WDR26: variants seen among roughly 807,000 people sequenced by gnomAD.
WDR26 encodes the protein WD repeat domain 26.
Under a neutral mutation model 84.1 loss-of-function variants are expected in WDR26, and 5 were observed. The observed-to-expected ratio is 0.06, with a 90% CI of 0.03 to 0.13. The LOEUF is 0.13. Among genes scored for constraint, WDR26 ranks in the 10% least tolerant of loss-of-function variants. The pLI, the probability that WDR26 is intolerant of heterozygous loss-of-function variation, is 1.00. For synonymous variants in WDR26, 415 were observed against 389.6 expected (o/e 1.07, Z -0.77); for missense variants, 642 against 974.9 (o/e 0.66, Z 4.55).
chr1:224,411,391 C>G (rs1673732188), intron 7 of WDR26, 36 bp downstream of exon 7: 2 of 1,554,390 alleles, frequency 1.3e-6, no homozygotes, highest in East Asian at 4.6e-5. Context: ...AAATTATCCC[C>G]TTTTGTAATA....
intron 6 of WDR26, among the ~76,000 whole-genome samples, chr1:224,415,459 T>C (rs1196234276): frequency 0.024 from 2,002 of 82,086 alleles, 49 homozygotes; most frequent in East Asian, 0.14. Flanking sequence ...CTTTCTTTTT[T>C]TTTTTTTTTT....
In WDR26 at chr1:224,393,766, CATA is replaced by C. The variant is rs1673186659; in HGVS notation, c.2260+59_2260+61del. The C allele has an allele frequency of 2.1e-5, 29 of 1,357,992 alleles. No homozygotes were observed. In the South Asian group the frequency reaches 4.1e-4, roughly 19 times the overall value. 84.1% of individuals were successfully genotyped at this position (1,357,992 alleles called of 1,614,324 possible). On this transcript the variant is annotated intron_variant, in intron 13 of 13. Transcript: ENST00000414423. Reference sequence around the variant, plus strand: ...AACTTGCTTAAAACTGCTTTAAGTTCATAATAAGCCGAGTGATGTTTCATTTGG... The same window carrying C: ...AACTTGCTTAAAACTGCTTTAAGTTCATAAGCCGAGTGATGTTTCATTTGG...
chr1:224,433,686 G>A lies in WDR26; in HGVS notation c.720C>T (p.Leu240=), dbSNP rs1408625077. Residue 240 remains leucine, a splice_region_variant and synonymous_variant, in exon 1 of 14, where the codon CTC becomes CTT. Transcript: ENST00000414423. ...AGCTGGCGGTAAGGGATACTTACTT[G>A]AGCCCTAAGCCATTCAAGTGCTGTC... 7.5e-7 allele frequency: 1 copy of A among 1,331,584 alleles called. No homozygotes were observed. Among genetic ancestry groups the A allele is most frequent in the African/African-American group, 1.5e-5 (1 of 65,696 alleles). 82.5% of individuals were successfully genotyped at this position (1,331,584 alleles called of 1,614,324 possible). A position where few individuals can be genotyped will look rare whatever the true frequency, so the allele number is the denominator to read the frequency against.
chr1:224,398,853 G>A (rs772303792), intron 10 of WDR26, 36 bp downstream of exon 10: 23 of 1,608,778 alleles, frequency 1.4e-5, no homozygotes, highest in Non-Finnish European at 1.9e-5. Flanking sequence ...ATATAAATCA[G>A]GTAATTGTTG....
intron 7 of WDR26, among the ~76,000 whole-genome samples, chr1:224,408,277 T>C (rs967251004): frequency 1.2e-4 from 19 of 152,344 alleles, no homozygotes; most frequent in Admixed American, 1.1e-3. Flanking sequence ...TCACCTAATA[T>C]TTACTTTTCT....
intron 1 of WDR26, among the ~76,000 whole-genome samples, chr1:224,433,257 C>T (rs1269255012): frequency 1.3e-5 from 2 of 152,036 alleles, no homozygotes; most frequent in African/African-American, 4.8e-5. Flanking sequence ...AAGATGCCTC[C>T]AAGATACACT....
chr1:224,410,552 A>G lies in WDR26; in HGVS notation c.1458+875T>C, dbSNP rs543996353. ...AATAAAATACTTTTCATATATATCA[A>G]TGGGAAAACAAAGGGGGAAAGGATT... is the stretch of plus-strand genomic sequence containing the variant. On this transcript the variant is annotated intron_variant, in intron 7 of 13. Coordinates refer to ENST00000414423, the MANE Select transcript of WDR26 (RefSeq NM_001379403.1). Among the ~76,000 whole-genome samples the G allele has an allele frequency of 2.0e-3, 297 of 152,220 alleles. 2 individuals carry two copies. The highest frequency in any genetic ancestry group is 6.7e-3 in the Admixed American group (103 of 15,296).
At position 224,411,669 on chromosome 1, in the gene WDR26, A is replaced by G. The variant is rs1572186577; in HGVS notation, c.1320-104T>C. On this transcript the variant is annotated intron_variant, in intron 6 of 13. Coordinates refer to ENST00000414423, the MANE Select transcript of WDR26 (RefSeq NM_001379403.1). The stretch of plus-strand genomic sequence containing the variant: ...AAACTTCTTTGAAGATCACATCACT[A>G]ACTTTAAAAATAAGAAGTGAATGCA... 1.3e-5 allele frequency: 17 copies of G among 1,272,086 alleles called. 1 individual carries two copies. The East Asian group carries it at 2.1e-4, about 15-fold the overall frequency. The allele number at this position is 1,272,086 out of a possible 1,614,324, so 78.8% of individuals were successfully genotyped here.
rs10717023 is a variant in WDR26 at position 224,395,606 on chromosome 1, G to GA, written c.2075-1594dup. On this transcript the variant is annotated intron_variant, in intron 12 of 13. Transcript: ENST00000414423. ...TTTTTCTTACATGAAATGAAATTAG[G>GA]AAAAAAAAAAAAAAAAGTAAAGACA... Among the ~76,000 whole-genome samples the GA allele has an allele frequency of 5.4e-3, 728 of 134,846 alleles. 3 individuals are homozygous for GA. The highest frequency in any genetic ancestry group is 0.014 in the African/African-American group (521 of 38,290). 88.5% of individuals were successfully genotyped at this position (134,846 alleles called of 152,430 possible).
intron 7 of WDR26, among the ~76,000 whole-genome samples, chr1:224,407,151 A>AAAAATATATATATATATATATAT: frequency 2.5e-4 from 3 of 11,876 alleles, no homozygotes; most frequent in Non-Finnish European, 4.2e-4. Context: ...AAAAAAAAAA[A>AAAAATATATATATATATATATAT]ATATATATAT....
chr1:224,430,175 G>A (rs1031368738), intron 3 of WDR26: 8 of 151,592 alleles, frequency 5.3e-5, no homozygotes, highest in Non-Finnish European at 1.0e-4. Flanking sequence ...CACCAACTGA[G>A]GAAACTTTAG....
At position 224,434,177 on chromosome 1, in the gene WDR26, C is replaced by T. The variant is rs896313077; in HGVS notation, c.229G>A (p.Ala77Thr). ...GCAGCGGCGGCGGGAGGGGCAGCAG[C>T]CGGGGGAAGTCCCACCACTACCACC... The change falls in exon 1 of 14, where the codon GCT becomes ACT. Residue 77 changes from alanine to threonine, a missense_variant. Physicochemically the swap from Ala to Thr is moderately conservative, Grantham distance 58 (BLOSUM62 0). Coordinates refer to ENST00000414423, the MANE Select transcript of WDR26 (RefSeq NM_001379403.1). The T allele has an allele frequency of 2.1e-6, 3 of 1,419,692 alleles. No homozygotes were observed. The highest frequency in any genetic ancestry group is 2.7e-6 in the Non-Finnish European group (3 of 1,092,012). 87.9% of individuals were successfully genotyped at this position (1,419,692 alleles called of 1,614,324 possible).
intron 3 of WDR26, among the ~76,000 whole-genome samples, chr1:224,426,946 CA>C (rs1364128680): frequency 1.3e-5 from 2 of 149,480 alleles, no homozygotes; most frequent in African/African-American, 2.5e-5. Context: ...AAAAAAAATA[CA>C]AAAAAATTAG....
At chr1:224,423,438 G>A (rs1450974932) in intron 4 of WDR26, among the ~76,000 whole-genome samples, 1 of 152,182 alleles carries the variant, frequency 6.6e-6, no homozygotes, top group Admixed American at 6.5e-5. Context: ...TTATCATGAA[G>A]GGGTGAATCC....
intron 8 of WDR26, 40 bp from the exon 9 acceptor site, chr1:224,401,109 C>T: frequency 1.3e-6 from 2 of 1,587,494 alleles, no homozygotes; most frequent in Non-Finnish European, 8.6e-7. Flanking sequence ...CTTCAAGATA[C>T]CCCTCTAAAG....
At chr1:224,390,344 T>C (rs996694162) in intron 13 of WDR26, among the ~76,000 whole-genome samples, 1 of 152,224 alleles carries the variant, frequency 6.6e-6, no homozygotes, top group Non-Finnish European at 1.5e-5. Context: ...GGTCTTGAAC[T>C]CCTGAGCTCA....
chr1:224,423,016 G>A (rs981251641), intron 4 of WDR26, among the ~76,000 whole-genome samples: 5 of 152,094 alleles, frequency 3.3e-5, no homozygotes, highest in African/African-American at 1.2e-4. Context: ...TTTTATACTA[G>A]TGTAAATAAA....
Position 224,398,964 on chromosome 1 carries a change from C to G in WDR26, c.1790G>C (p.Gly597Ala). The G allele has an allele frequency of 1.2e-6, 2 of 1,612,772 alleles. No homozygotes were observed. The highest frequency in any genetic ancestry group is 1.7e-6 in the Non-Finnish European group (2 of 1,179,582). ...TGTATCTGATGCCAGAACAGTCTTT[C>G]CATCACTCAAGCACCAAAGGCATTG... is the stretch of plus-strand genomic sequence containing the variant. The change falls in exon 10 of 14, where the codon GGA becomes GCA. Residue 597 changes from glycine to alanine, a missense_variant. Gly to Ala is a moderately conservative substitution (Grantham distance 60). Coordinates refer to ENST00000414423, the MANE Select transcript of WDR26 (RefSeq NM_001379403.1).
intron 12 of WDR26, among the ~76,000 whole-genome samples, chr1:224,395,443 G>A (rs1304708675): frequency 6.6e-6 from 1 of 152,138 alleles, no homozygotes; most frequent in African/African-American, 2.4e-5. Context: ...CAAAATTTCT[G>A]ACATGAAGAT....
Sources: allele counts gnomAD v4.1 joint callset (sites outside exome capture counted in the v4.1 genomes callset), GRCh38; gene constraint gnomAD v4.1.1; transcripts MANE v1.5; gene names NCBI Gene and HGNC (gene_info 2026-07-23, HGNC 2026-07-21).